The following UVSSA variants were observed in gnomAD, a reference collection of about 807,000 sequenced individuals.
The protein encoded by UVSSA is UV stimulated scaffold protein A.
A neutral mutation model predicts 73.9 loss-of-function variants in UVSSA; 72 were observed. The observed-to-expected ratio is 0.97, with a 90% confidence interval of 0.81 to 1.19. The LOEUF (loss-of-function observed/expected upper bound fraction) is 1.19. Ranked by LOEUF, UVSSA falls within the 50% of genes most tolerant of loss-of-function variation. The pLI is 0.00. For synonymous variants in UVSSA, 454 were observed against 391.3 expected, an observed-to-expected ratio of 1.16 and a Z score of -1.89; for missense variants, 1,150 against 965.0, an observed-to-expected ratio of 1.19 and a Z score of -2.54.
intron 8 of UVSSA, among the ~76,000 whole-genome samples, chr4:1,369,395 G>C (rs532775052): frequency 7.2e-5 from 11 of 152,232 alleles, no homozygotes; most frequent in Admixed American, 7.2e-4. Flanking sequence ...GGCGGGAAGC[G>C]TGGGGGCAGG....
chr4:1,350,652 G>A (rs974704604), intron 3 of UVSSA, among the ~76,000 whole-genome samples: 15 of 152,282 alleles, frequency 9.9e-5, no homozygotes, highest in Admixed American at 9.8e-4. Flanking sequence ...GTGAACACCT[G>A]GGTGTGAGGG....
chr4:1,385,661 G>A (rs748545980), intron 13 of UVSSA: 28 of 591,894 alleles, frequency 4.7e-5, no homozygotes, highest in Admixed American at 8.9e-5. Context: ...GACCTGGGGC[G>A]GCCCTTTCTA....
chr4:1,380,317 C>T, intron 11 of UVSSA, 87 bp downstream of exon 11: 1 of 1,466,294 alleles, frequency 6.8e-7, no homozygotes, highest in South Asian at 1.3e-5. Flanking sequence ...CTGCCCCTGC[C>T]CTGGGTCAGG....
exon 14 of UVSSA, chr4:1,394,333 A>G (rs1720470496): frequency 2.7e-6 from 3 of 1,125,326 alleles, no homozygotes; most frequent in Non-Finnish European, 3.7e-6. Context: ...TCTACTTAGA[A>G]TGCTCTTCCC....
At chr4:1,394,245 G>A (rs1720469106) in exon 14 of UVSSA, 1 of 669,006 alleles carries the variant, frequency 1.5e-6, no homozygotes, top group Non-Finnish European at 2.4e-6. Flanking sequence ...GCCACTGTGG[G>A]CATCTCGTTC....
intron 5 of UVSSA, among the ~76,000 whole-genome samples, chr4:1,353,771 G>A (rs1246684996): frequency 6.6e-6 from 1 of 152,176 alleles, no homozygotes; most frequent in African/African-American, 2.4e-5. Context: ...CTGGATCCCT[G>A]GGCAGGCTGT....
At chr4:1,372,334 G>A (rs772266549) in intron 8 of UVSSA, among the ~76,000 whole-genome samples, 9 of 152,124 alleles carry the variant, frequency 5.9e-5, no homozygotes, top group African/African-American at 1.2e-4. Context: ...CCTGTCACGC[G>A]TCCATCCATG....
Position 1,386,068 on chromosome 4 carries a change from T to A in UVSSA, c.*107T>A. On this transcript the variant is annotated 3_prime_UTR_variant, in exon 14 of 14. Coordinates refer to ENST00000389851, the MANE Select transcript of UVSSA (RefSeq NM_020894.4). ...GCAGTAACCATGCTTTGTCTATTAC[T>A]GTGTTTGATGTAAAGAAATGGTGTG... 8.8e-7 allele frequency: 1 copy of A among 1,139,066 alleles called. No individual in the cohort carries two copies. The highest frequency in any genetic ancestry group is 1.3e-6 in the Non-Finnish European group (1 of 767,158). The allele number at this position is 1,139,066 out of a possible 1,614,324, so 70.6% of individuals were successfully genotyped here.
chr4:1,353,276 C>G lies in UVSSA; in HGVS notation c.797C>G (p.Ala266Gly), dbSNP rs552096219. 6.2e-7 allele frequency: 1 copy of G among 1,611,044 alleles called. No individual in the cohort carries two copies. The change falls in exon 5 of 14, where the codon GCG becomes GGG. Residue 266 changes from alanine (A) to glycine (G), a missense_variant. By Grantham distance (60) the Ala-to-Gly change is moderately conservative (BLOSUM62 0). Coordinates refer to ENST00000389851, the MANE Select transcript of UVSSA (RefSeq NM_020894.4). ...DLPASAGHPR[A>G]GGGAQPSQTA... ...CCTGCCTCTGCAGGCCACCCCAGAG[C>G]GGGCGGCGGGGCACAGCCATCCCAG...
intron 7 of UVSSA, among the ~76,000 whole-genome samples, chr4:1,361,601 C>T (rs1013370843): frequency 3.7e-4 from 56 of 152,258 alleles, no homozygotes; most frequent in African/African-American, 1.2e-3. Flanking sequence ...TGCACCGCTC[C>T]GCCCTCCGTC....
intron 7 of UVSSA, among the ~76,000 whole-genome samples, chr4:1,356,267 C>T (rs1320298956): frequency 1.3e-5 from 2 of 151,776 alleles, no homozygotes; most frequent in Admixed American, 6.6e-5. Flanking sequence ...AGCAGACGTG[C>T]GGGGCCTTGG....
chr4:1,381,138 C>A (rs1010980469), intron 12 of UVSSA, 150 bp downstream of exon 12: 12 of 754,262 alleles, frequency 1.6e-5, no homozygotes, highest in African/African-American at 1.2e-4. Flanking sequence ...CTGGCAGAAT[C>A]AGGAGGGGAT....
At chr4:1,352,414 GC>G (rs1714921880) in intron 4 of UVSSA, among the ~76,000 whole-genome samples, 1 of 152,244 alleles carries the variant, frequency 6.6e-6, no homozygotes, top group South Asian at 2.1e-4. Context: ...CCTCAGGGCA[GC>G]TCACAAGGCA....
At chr4:1,346,702 G>A (rs994591122), upstream of UVSSA, among the ~76,000 whole-genome samples, 2 of 152,008 alleles carry the variant, frequency 1.3e-5, no homozygotes, top group African/African-American at 4.8e-5. Context: ...CCGTCTGGGC[G>A]GTCCTCACCG....
intron 2 of UVSSA, among the ~76,000 whole-genome samples, chr4:1,348,607 G>A (rs780227107): frequency 1.7e-4 from 26 of 152,334 alleles, no homozygotes; most frequent in South Asian, 4.1e-4. Flanking sequence ...GGAAAACGCC[G>A]GAGGGGATCT....
At chr4:1,381,446 A>C (rs1719490675) in intron 12 of UVSSA, among the ~76,000 whole-genome samples, 1 of 152,190 alleles carries the variant, frequency 6.6e-6, no homozygotes, top group Non-Finnish European at 1.5e-5. Context: ...GCGTGTGGCC[A>C]CTGCTATGGC....
In UVSSA at chr4:1,349,702, A is replaced by C; in HGVS notation, c.277A>C (p.Thr93Pro). ...FQEFLELTLG[T>P]DPAQPLPPPR... is the part of the protein sequence containing the mutation. ...GGAGTTCCTGGAGCTCACGCTGGGC[A>C]CAGACCCCGCACAGCCTCTGCCGCC... The change falls in exon 3 of 14, where the codon ACA (threonine) becomes CCA (proline). Residue 93 changes from threonine to proline, a missense_variant. Coordinates refer to ENST00000389851, the MANE Select transcript of UVSSA (RefSeq NM_020894.4). The C allele has an allele frequency of 6.2e-7, 1 of 1,613,948 alleles. No homozygotes were observed. Among genetic ancestry groups the C allele is most frequent in the South Asian group, 1.1e-5 (1 of 91,080 alleles).
intron 7 of UVSSA, among the ~76,000 whole-genome samples, chr4:1,357,555 C>T (rs961119763): frequency 3.9e-5 from 6 of 152,358 alleles, no homozygotes; most frequent in African/African-American, 1.4e-4. Flanking sequence ...CTGCCGTTCC[C>T]CGAGTCAGGA....
At chr4:1,375,880 G>A (rs973221511) in intron 9 of UVSSA, among the ~76,000 whole-genome samples, 154 bp from the exon 10 acceptor site, 3 of 152,276 alleles carry the variant, frequency 2.0e-5, no homozygotes, top group African/African-American at 7.2e-5. Flanking sequence ...GGACCTCAGC[G>A]GTGGCCCTGA....
Sources: allele counts gnomAD v4.1 joint callset (sites outside exome capture counted in the v4.1 genomes callset), GRCh38; gene constraint gnomAD v4.1.1; transcripts MANE v1.5; gene names NCBI Gene and HGNC (gene_info 2026-07-23, HGNC 2026-07-21).